Variants in CDK5RAP2 observed in about 807,000 individuals in gnomAD.
CDK5RAP2 encodes the protein CDK5 regulatory subunit associated protein 2.
CDK5RAP2 carries 147 observed loss-of-function variants against 232.9 expected under a neutral mutation model. That is an observed-to-expected ratio of 0.63 (90% CI 0.55 to 0.72). The LOEUF is 0.72. Among genes scored for constraint, CDK5RAP2 ranks in the 30% least tolerant of loss-of-function variants. The pLI, the probability that CDK5RAP2 is intolerant of heterozygous loss-of-function variation, is 0.00. For missense variants in CDK5RAP2, 2,195 were observed against 2,231.5 expected, an observed-to-expected ratio of 0.98 and a Z score of 0.33; for synonymous variants, 833 against 833.7, an observed-to-expected ratio of 1.00 and a Z score of 0.01.
chr9:120,389,698 T>C (rs2031740918), intron 37 of CDK5RAP2, 43 bp downstream of exon 37: 1 of 1,592,100 alleles, frequency 6.3e-7, no homozygotes, highest in Non-Finnish European at 8.6e-7. Flanking sequence ...GCACTCCTCC[T>C]GACCTTCCAC....
rs747181486 is a variant in CDK5RAP2 at position 120,550,779 on chromosome 9, A to C, written c.306+13T>G. On this transcript the variant is annotated intron_variant, in intron 4 of 37. Coordinates refer to ENST00000349780, the MANE Select transcript of CDK5RAP2 (RefSeq NM_018249.6). ...AGGACACAAGGGACAGTAATGAGAAATGGGCCACTCACAGTTTTGTAGATA... is the reference window on the plus strand; with the variant it reads ...AGGACACAAGGGACAGTAATGAGAACTGGGCCACTCACAGTTTTGTAGATA... The C allele has an allele frequency of 7.1e-7, 1 of 1,410,312 alleles. No homozygotes were observed. Among genetic ancestry groups the C allele is most frequent in the Non-Finnish European group, 1.0e-6 (1 of 993,788 alleles). The allele number at this position is 1,410,312 out of a possible 1,614,324, so 87.4% of individuals were successfully genotyped here. A position where few individuals can be genotyped will look rare whatever the true frequency, so the allele number is the denominator to read the frequency against.
chr9:120,505,322 C>T (rs1177607494), intron 12 of CDK5RAP2, among the ~76,000 whole-genome samples: 2 of 152,174 alleles, frequency 1.3e-5, no homozygotes, highest in African/African-American at 4.8e-5. Context: ...AAATCACACC[C>T]ATATAAGACG....
At chr9:120,574,612 C>T (rs955810584) in intron 1 of CDK5RAP2, among the ~76,000 whole-genome samples, 1 of 152,204 alleles carries the variant, frequency 6.6e-6, no homozygotes, top group Non-Finnish European at 1.5e-5. Context: ...AGTTTCCTCA[C>T]GTGCAAAATA....
intron 5 of CDK5RAP2, among the ~76,000 whole-genome samples, chr9:120,543,555 C>T (rs2041724396): frequency 6.6e-6 from 1 of 152,132 alleles, no homozygotes; most frequent in South Asian, 2.1e-4. Context: ...ATAGCCATAT[C>T]TATATATTCA....
At chr9:120,562,480 A>T (rs1276086511) in intron 3 of CDK5RAP2, among the ~76,000 whole-genome samples, 1 of 152,150 alleles carries the variant, frequency 6.6e-6, no homozygotes, top group Non-Finnish European at 1.5e-5. Flanking sequence ...TAGCACCGTC[A>T]GGCTATATGT....
At chr9:120,544,586 G>C (rs1044277642) in intron 5 of CDK5RAP2, among the ~76,000 whole-genome samples, 1 of 152,274 alleles carries the variant, frequency 6.6e-6, no homozygotes, top group African/African-American at 2.4e-5. Context: ...GCCTGGCCCA[G>C]AGCAGTGCAG....
intron 11 of CDK5RAP2, among the ~76,000 whole-genome samples, chr9:120,519,301 AAGTG>A (rs1462456012): frequency 6.7e-6 from 1 of 150,070 alleles, no homozygotes; most frequent in Non-Finnish European, 1.5e-5. Context: ...GTTCTAAGGT[AAGTG>A]AGCATGTTAC....
chr9:120,448,960 A>G (rs2036345344), intron 21 of CDK5RAP2, among the ~76,000 whole-genome samples: 1 of 152,098 alleles, frequency 6.6e-6, no homozygotes, highest in Non-Finnish European at 1.5e-5. Flanking sequence ...TGCCCTCTCT[A>G]AGCCACTGTC....
chr9:120,556,402 A>AAT (rs1398785506), intron 3 of CDK5RAP2, among the ~76,000 whole-genome samples: 1 of 152,180 alleles, frequency 6.6e-6, no homozygotes, highest in Non-Finnish European at 1.5e-5. Flanking sequence ...AATAATTTTT[A>AAT]ATAGCATATC....
Position 120,533,797 on chromosome 9 carries a change from TAAA to T in CDK5RAP2, c.662+2572_662+2574del, listed in dbSNP as rs147527299. On this transcript the variant is annotated intron_variant, in intron 7 of 37. Transcript: ENST00000349780. The stretch of plus-strand genomic sequence containing the variant: ...TGGAGGACAGAGTTAAGACTCCATC[TAAA>T]AAAAAAAAAAAAAAAAAAAAAAATG... 8.6e-3 allele frequency among the ~76,000 whole-genome samples: 452 copies of T among 52,704 alleles called. 1 individual carries two copies. The highest frequency in any genetic ancestry group is 0.031 in the African/African-American group (427 of 13,954). 34.6% of individuals were successfully genotyped at this position (52,704 alleles called of 152,430 possible).
Position 120,453,504 on chromosome 9 carries a change from C to A in CDK5RAP2, c.2745G>T (p.Val915=), listed in dbSNP as rs753132238. ...AEHRPENLHG[V]PGWQAALLSL... is the part of the protein sequence containing the mutation. The stretch of plus-strand genomic sequence containing the variant: ...AAAGGAGGGCAGCCTGCCACCCAGG[C>A]ACCCCGTGCAGGTTCTCTGGCCGAT... The change falls in exon 21 of 38, where the codon GTG becomes GTT. Residue 915 remains valine (V), a synonymous_variant. Transcript: ENST00000349780. The A allele has an allele frequency of 6.2e-6, 10 of 1,613,732 alleles. No homozygotes were observed. In the South Asian group the frequency reaches 1.1e-4, roughly 18 times the overall value.
chr9:120,507,693 A>G (rs10984933), intron 12 of CDK5RAP2, among the ~76,000 whole-genome samples: 4 of 151,858 alleles, frequency 2.6e-5, no homozygotes, highest in Non-Finnish European at 5.9e-5. Context: ...CAAAGGGTTT[A>G]CACAGGAAAA....
intron 21 of CDK5RAP2, among the ~76,000 whole-genome samples, chr9:120,448,724 C>T (rs2036332760): frequency 6.6e-6 from 1 of 152,182 alleles, no homozygotes; most frequent in Non-Finnish European, 1.5e-5. Context: ...CATGACTATC[C>T]ATTTACTACA....
At position 120,550,835 on chromosome 9, in the gene CDK5RAP2, A is replaced by G. The variant is rs989026961; in HGVS notation, c.263T>C (p.Met88Thr). 1.9e-6 allele frequency: 3 copies of G among 1,613,450 alleles called. No individual in the cohort carries two copies. Among genetic ancestry groups the G allele is most frequent in the Non-Finnish European group, 2.5e-6 (3 of 1,179,384 alleles). Residue 88 changes from methionine (M) to threonine (T), a missense_variant, in exon 4 of 38, where the codon ATG becomes ACG. Met to Thr is a moderately conservative substitution (Grantham distance 81, BLOSUM62 -1). Transcript: ENST00000349780. ...AGTGGGGCCATGAAATTCCTGTTGC[A>G]TTCTTTCCTCAAGGAAATAGATGCG... ...KLRIYFLEER[M>T]QQEFHGPTEH... is the part of the protein sequence containing the mutation.
In CDK5RAP2 at chr9:120,403,155, A is replaced by T; in HGVS notation, c.5042-84T>A. The T allele has an allele frequency of 6.8e-7, 1 of 1,473,836 alleles. No homozygotes were observed. The allele number at this position is 1,473,836 out of a possible 1,614,324, so 91.3% of individuals were successfully genotyped here. ...GCTTATGATGTTGAAGCTAGCTAGGAGGGCTAGAAGAGGCCCTCGTGCCCA... is the reference window on the plus strand; with the variant it reads ...GCTTATGATGTTGAAGCTAGCTAGGTGGGCTAGAAGAGGCCCTCGTGCCCA... On this transcript the variant is annotated intron_variant, in intron 33 of 37. Transcript: ENST00000349780. The surrounding 1 kb of genome is among the most constrained non-coding windows in gnomAD (Gnocchi z 4.2).
chr9:120,407,049 C>T lies in CDK5RAP2; in HGVS notation c.4926G>A (p.Val1642=), dbSNP rs778984142. 3.1e-6 allele frequency: 5 copies of T among 1,614,154 alleles called. 1 individual carries two copies. The South Asian group carries it at 3.3e-5, about 11-fold the overall frequency. Residue 1642 remains valine (V), a synonymous_variant, in exon 32 of 38, where the codon GTG becomes GTA. Coordinates refer to ENST00000349780, the MANE Select transcript of CDK5RAP2 (RefSeq NM_018249.6). ...GCTGAAGGGGCACCTCAGGGATGGACACGGCTTGGACAGCCAGAGTGAGGG... is the reference window on the plus strand; with the variant it reads ...GCTGAAGGGGCACCTCAGGGATGGATACGGCTTGGACAGCCAGAGTGAGGG... ...EGALTLAVQA[V]SIPEVPLQPD...
chr9:120,442,458 C>A (rs2131344846), intron 23 of CDK5RAP2, among the ~76,000 whole-genome samples: 1 of 152,312 alleles, frequency 6.6e-6, no homozygotes, highest in Middle Eastern at 3.4e-3. Flanking sequence ...CAGCACCCAG[C>A]CTCAGCTGCG....
At chr9:120,408,156 A>T in intron 31 of CDK5RAP2, 191 bp downstream of exon 31, 1 of 711,648 alleles carries the variant, frequency 1.4e-6, no homozygotes, top group Non-Finnish European at 2.5e-6. Context: ...GCTGAGCCTC[A>T]GTCCTTCTAT....
rs1234466284 is a variant in CDK5RAP2 at position 120,439,396 on chromosome 9, T to C, written c.3722+3A>G. ...ACGGGGAGACGGCAGAGGTGGAACG[T>C]ACCTGGGAGGTGAGAGATCTCTGAA... On this transcript the variant is annotated splice_donor_region_variant and intron_variant, in intron 24 of 37. Transcript: ENST00000349780. 40 of 1,613,054 alleles carry C rather than the reference T, an allele frequency of 2.5e-5. No homozygotes were observed. Among genetic ancestry groups the C allele is most frequent in the Non-Finnish European group, 3.2e-5 (38 of 1,179,228 alleles).
Sources: allele counts gnomAD v4.1 joint callset (sites outside exome capture counted in the v4.1 genomes callset), GRCh38; gene constraint gnomAD v4.1.1; non-coding constraint Gnocchi (gnomAD v3.1); transcripts MANE v1.5; gene names NCBI Gene and HGNC (gene_info 2026-07-23, HGNC 2026-07-21).